Variants in ZNF688 observed in about 807,000 individuals in gnomAD.
ZNF688 encodes zinc finger protein 688.
Under a neutral mutation model 13.2 loss-of-function variants are expected in ZNF688, and 10 were observed. That is an observed-to-expected ratio of 0.76 (90% CI 0.47 to 1.28). The LOEUF (loss-of-function observed/expected upper bound fraction) is 1.28, where lower values mean the gene tolerates loss of function less well. Ranked by LOEUF, ZNF688 falls within the 50% of genes most tolerant of loss-of-function variation. The pLI is 0.00. For synonymous variants in ZNF688, 160 were observed against 159.4 expected (o/e 1.00, Z -0.03); for missense variants, 381 against 391.4 (o/e 0.97, Z 0.22).
upstream of ZNF688, among the ~76,000 whole-genome samples, chr16:30,576,906 C>T (rs1020307637): frequency 1.3e-5 from 2 of 151,600 alleles, no homozygotes; most frequent in Admixed American, 6.6e-5. Flanking sequence ...GTCGTTGGAA[C>T]TAGAAGTGTG....
Position 30,571,474 on chromosome 16 carries a change from C to G in ZNF688, c.156G>C (p.Arg52=), listed in dbSNP as rs148016476. 397 of 1,589,122 alleles carry G rather than the reference C, an allele frequency of 2.5e-4. No individual in the cohort carries two copies. The highest frequency in any genetic ancestry group is 3.1e-4 in the Non-Finnish European group (368 of 1,168,884). The change falls in exon 1 of 3, where the codon CGG becomes CGC. Residue 52 remains arginine (R), a synonymous_variant. Transcript: ENST00000223459. ...CLRPAQRALY[R]DVMQETYGHL... ...GGCCGTAGGTCTCCTGCATCACGTC[C>G]CGGTACAGAGCCCTCTGCGCGGGCC...
the ZNF688 span, chr16:30,578,279 G>A: frequency 6.6e-6 from 1 of 152,402 alleles, no homozygotes; most frequent in South Asian, 2.1e-4. Flanking sequence ...AGGCTGCAGT[G>A]AGCCGTGACT....
chr16:30,572,846 A>G (rs948005643), upstream of ZNF688: 1 of 152,832 alleles, frequency 6.5e-6, no homozygotes, highest in Middle Eastern at 3.1e-3. Context: ...TGCTGTGATT[A>G]CAGGCATGCG....
upstream of ZNF688, among the ~76,000 whole-genome samples, chr16:30,574,183 G>C (rs949156782): frequency 1.3e-5 from 2 of 151,904 alleles, no homozygotes; most frequent in African/African-American, 4.8e-5. Context: ...GGAAGCAGAG[G>C]TTGCAGTGAG....
Position 30,571,457 on chromosome 16 carries a change from G to T in ZNF688, c.173C>A (p.Thr58Asn). ...RALYRDVMQE[T>N]YGHLGALGFP... ...ACCGAGCGCGCCCAGGTGGCCGTAGGTCTCCTGCATCACGTCCCGGTACAG... is the reference window on the plus strand; with the variant it reads ...ACCGAGCGCGCCCAGGTGGCCGTAGTTCTCCTGCATCACGTCCCGGTACAG... The change falls in exon 1 of 3, where the codon ACC becomes AAC. Residue 58 changes from threonine to asparagine, a missense_variant. Thr to Asn is a moderately conservative substitution (Grantham distance 65). Coordinates refer to ENST00000223459, the MANE Select transcript of ZNF688 (RefSeq NM_145271.4). 6.3e-7 allele frequency: 1 copy of T among 1,581,592 alleles called. No individual in the cohort carries two copies.
chr16:30,570,560 A>C (rs560953845), intron 2 of ZNF688, 124 bp from the exon 3 acceptor site: 18 of 1,208,748 alleles, frequency 1.5e-5, no homozygotes, highest in Non-Finnish European at 1.8e-5. Context: ...CAGGCTTTAG[A>C]ACAAGGTAAA....
upstream of ZNF688, among the ~76,000 whole-genome samples, chr16:30,576,453 AC>A (rs2051749078): frequency 6.6e-6 from 1 of 151,948 alleles, no homozygotes; most frequent in Non-Finnish European, 1.5e-5. Flanking sequence ...CTCATGATCC[AC>A]CCACCTCGGC....
chr16:30,570,795 C>A (rs571785590), intron 2 of ZNF688: 5 of 450,650 alleles, frequency 1.1e-5, no homozygotes, highest in Non-Finnish European at 1.6e-5. Flanking sequence ...CTCTGTCACC[C>A]AGGCTGGAGT....
At chr16:30,570,566 G>A in intron 2 of ZNF688, 130 bp from the exon 3 acceptor site, 2 of 1,186,920 alleles carry the variant, frequency 1.7e-6, no homozygotes, top group Non-Finnish European at 2.3e-6. Context: ...TTAGAACAAG[G>A]TAAACAGGAT....
Position 30,570,266 on chromosome 16 carries a change from G to A in ZNF688, c.481C>T (p.Pro161Ser). The A allele has an allele frequency of 6.2e-7, 1 of 1,613,758 alleles. No homozygotes were observed. Among genetic ancestry groups the A allele is most frequent in the Non-Finnish European group, 8.5e-7 (1 of 1,179,892 alleles). Reference protein sequence around the residue: ...AQPPKNAAWDPTTGAQPPAPI... With the variant: ...AQPPKNAAWDSTTGAQPPAPI... ...GCCGGGGGCTGTGCTCCTGTGGTCG[G>A]GTCCCAGGCAGCATTTTTGGGTGGC... Residue 161 changes from proline (P) to serine (S), a missense_variant, in exon 3 of 3, where the codon CCG (proline) becomes TCG (serine). Transcript: ENST00000223459.
chr16:30,569,777 A>G lies in ZNF688; in HGVS notation c.*139T>C. On this transcript the variant is annotated 3_prime_UTR_variant, in exon 3 of 3. Coordinates refer to ENST00000223459, the MANE Select transcript of ZNF688 (RefSeq NM_145271.4). ...TCTTTACAGGCACTTTTCTTTTTAC[A>G]AGTTGGAAACTTGAGGGATCCTTGA... The G allele has an allele frequency of 9.3e-7, 1 of 1,070,990 alleles. No homozygotes were observed. Among genetic ancestry groups the G allele is most frequent in the Non-Finnish European group, 1.2e-6 (1 of 802,972 alleles). The allele number at this position is 1,070,990 out of a possible 1,614,324, so 66.3% of individuals were successfully genotyped here. A position where few individuals can be genotyped will look rare whatever the true frequency, so the allele number is the denominator to read the frequency against.
chr16:30,575,265 A>G (rs1349884917), upstream of ZNF688, among the ~76,000 whole-genome samples: 2 of 119,590 alleles, frequency 1.7e-5, no homozygotes, highest in East Asian at 4.4e-4. Context: ...TTTTTTTTTG[A>G]GACGGAGTTT....
At chr16:30,576,490 G>A (rs1349136264), upstream of ZNF688, among the ~76,000 whole-genome samples, 4 of 152,128 alleles carry the variant, frequency 2.6e-5, no homozygotes, top group Non-Finnish European at 4.4e-5. Flanking sequence ...GATTACAGGC[G>A]TGAGCCACCG....
At chr16:30,570,951 A>G in intron 2 of ZNF688, 59 bp downstream of exon 2, 1 of 1,571,932 alleles carries the variant, frequency 6.4e-7, no homozygotes. Context: ...CTGAAAAGAA[A>G]CTCTGCTAGA....
chr16:30,571,416 C>T lies in ZNF688; in HGVS notation c.196+18G>A, dbSNP rs148414017. On this transcript the variant is annotated intron_variant, in intron 1 of 2. Coordinates refer to ENST00000223459, the MANE Select transcript of ZNF688 (RefSeq NM_145271.4). Reference sequence around the variant, plus strand: ...GAACCCGGTGAAGGAGGAGGGGGCTCGGACCCGGGGCTCTCACCGAGCGCG... The same window carrying T: ...GAACCCGGTGAAGGAGGAGGGGGCTTGGACCCGGGGCTCTCACCGAGCGCG... 8.0e-5 allele frequency: 125 copies of T among 1,553,308 alleles called. No homozygotes were observed. In the African/African-American group the frequency reaches 1.3e-3, roughly 16 times the overall value.
rs765124342 is a variant in ZNF688 at position 30,570,111 on chromosome 16, G to T, written c.636C>A (p.Pro212=). ...RRMHSGERPF[P]CPECGMRFKR... Reference sequence around the variant, plus strand: ...TGAAGCGCATGCCACACTCGGGGCAGGGGAAAGGCCGCTCCCCCGAGTGCA... The same window carrying T: ...TGAAGCGCATGCCACACTCGGGGCATGGGAAAGGCCGCTCCCCCGAGTGCA... Residue 212 remains proline, a synonymous_variant, in exon 3 of 3, where the codon CCC becomes CCA. Coordinates refer to ENST00000223459, the MANE Select transcript of ZNF688 (RefSeq NM_145271.4). 10 of 1,611,518 alleles carry T rather than the reference G, an allele frequency of 6.2e-6. No individual in the cohort carries two copies. Among genetic ancestry groups the T allele is most frequent in the Non-Finnish European group, 7.6e-6 (9 of 1,179,026 alleles).
chr16:30,579,227 T>G, the ZNF688 span: 2 of 152,886 alleles, frequency 1.3e-5, no homozygotes, highest in Admixed American at 1.3e-4. Context: ...GATAGGCAGA[T>G]TGACATGTGT....
At chr16:30,571,384 C>A (rs1471141141) in intron 1 of ZNF688, 50 bp downstream of exon 1, 5 of 1,541,678 alleles carry the variant, frequency 3.2e-6, no homozygotes, top group Non-Finnish European at 4.4e-6. Context: ...TACATCATCT[C>A]CCCTGTGAAC....
At chr16:30,570,595 C>A in intron 2 of ZNF688, 159 bp from the exon 3 acceptor site, 1 of 892,664 alleles carries the variant, frequency 1.1e-6, no homozygotes, top group South Asian at 1.9e-5. Flanking sequence ...CCTAAAAGTG[C>A]CTTATCTGAG....
Sources: allele counts gnomAD v4.1 joint callset (sites outside exome capture counted in the v4.1 genomes callset), GRCh38; gene constraint gnomAD v4.1.1; transcripts MANE v1.5; gene names NCBI Gene and HGNC (gene_info 2026-07-23, HGNC 2026-07-21).